Variants in SHCBP1 observed in about 807,000 individuals in gnomAD.
SHCBP1 encodes the protein SHC binding and spindle associated 1, also known as SHC SH2 domain-binding protein 1.
Under a neutral mutation model 75.1 loss-of-function variants are expected in SHCBP1, and 60 were observed. The observed-to-expected ratio is 0.80, with a 90% CI of 0.65 to 0.99. The LOEUF is 0.99. Among genes scored for constraint, SHCBP1 ranks in the 50% least tolerant of loss-of-function variants. The probability of loss-of-function intolerance (pLI) is 0.00; values close to 1 mark genes in which losing one functional copy is unlikely to be tolerated. For missense variants in SHCBP1, 709 were observed against 809.4 expected (o/e 0.88, Z 1.50); for synonymous variants, 290 against 293.2 (o/e 0.99, Z 0.11).
intron 4 of SHCBP1, among the ~76,000 whole-genome samples, chr16:46,608,805 T>C (rs1221734803): frequency 6.6e-6 from 1 of 152,100 alleles, no homozygotes; most frequent in African/African-American, 2.4e-5. Context: ...TTCACCATGT[T>C]GGCCAGGCTG....
In SHCBP1 at chr16:46,616,052, C is replaced by T. The variant is rs774301993; in HGVS notation, c.490G>A (p.Glu164Lys). ...CGATGCTCCTTCAGATCAAGGAGCT[C>T]CTTCATGCACTCCATGGTAAAAGTG... ...VSTFTMECMK[E>K]LLDLKEHRLP... The change falls in exon 4 of 13, where the codon GAG becomes AAG. Residue 164 changes from glutamate (E) to lysine (K), a missense_variant. Physicochemically the swap from Glu to Lys is moderately conservative, Grantham distance 56. Transcript: ENST00000303383. This position sits in a 1 kb window ranked among gnomAD's most constrained non-coding sequence, Gnocchi z 4.4. 5.6e-6 allele frequency: 9 copies of T among 1,614,088 alleles called. No homozygotes were observed. In the Admixed American group the frequency reaches 1.0e-4, roughly 18 times the overall value.
intron 8 of SHCBP1, among the ~76,000 whole-genome samples, chr16:46,600,337 T>C (rs1311635873): frequency 6.6e-6 from 1 of 152,086 alleles, no homozygotes; most frequent in Non-Finnish European, 1.5e-5. Flanking sequence ...CATGGTGGCA[T>C]GCACCAATTA....
rs1187109276 is a variant in SHCBP1 at position 46,618,189 on chromosome 16, C to G, written c.271+16G>C. ...GAAACTCCATCTCAAAAAAAAAAAG[C>G]AAAAAACCTACTCACCTAAAATGTA... On this transcript the variant is annotated intron_variant, in intron 2 of 12. Transcript: ENST00000303383. The G allele has an allele frequency of 3.8e-6, 6 of 1,564,456 alleles. No individual in the cohort carries two copies. The highest frequency in any genetic ancestry group is 5.2e-6 in the Non-Finnish European group (6 of 1,161,010).
chr16:46,585,068 T>A (rs534526108), intron 10 of SHCBP1, among the ~76,000 whole-genome samples: 1 of 152,256 alleles, frequency 6.6e-6, no homozygotes, highest in South Asian at 2.1e-4. Context: ...CAGTTTGGGG[T>A]TATGTGCAAA....
intron 12 of SHCBP1, 98 bp downstream of exon 12, chr16:46,583,417 AC>A: frequency 2.3e-6 from 3 of 1,299,602 alleles, no homozygotes; most frequent in Non-Finnish European, 3.1e-6. Flanking sequence ...TATCCCAACA[AC>A]CTTTTTTAAG....
At chr16:46,592,635 A>C (rs1015736076) in intron 10 of SHCBP1, among the ~76,000 whole-genome samples, 1 of 152,104 alleles carries the variant, frequency 6.6e-6, no homozygotes. Context: ...AGACAAAGAC[A>C]GTGGCACAGA....
At chr16:46,589,572 A>T (rs1462834655) in intron 10 of SHCBP1, among the ~76,000 whole-genome samples, 1 of 152,156 alleles carries the variant, frequency 6.6e-6, no homozygotes, top group Non-Finnish European at 1.5e-5. Context: ...CTCCCATTCA[A>T]AATTGCTTCA....
intron 1 of SHCBP1, among the ~76,000 whole-genome samples, chr16:46,619,063 A>G (rs1191311694): frequency 1.3e-5 from 2 of 152,184 alleles, no homozygotes; most frequent in African/African-American, 4.8e-5. Context: ...TTAATAATCC[A>G]TAAGGTTTAC....
In SHCBP1 at chr16:46,585,159, T is replaced by TA. The variant is rs529675322; in HGVS notation, c.1465-1071dup. On this transcript the variant is annotated intron_variant, in intron 10 of 12. Coordinates refer to ENST00000303383, the MANE Select transcript of SHCBP1 (RefSeq NM_024745.5). Reference sequence around the variant, plus strand: ...AAATATCAAACTGTCAGGAATCACATAAAATTTGTAAAGGAGAACAATTTA... The same window carrying TA: ...AAATATCAAACTGTCAGGAATCACATAAAAATTTGTAAAGGAGAACAATTTA... Among the ~76,000 whole-genome samples the TA allele has an allele frequency of 7.4e-4, 113 of 152,132 alleles. 1 individual carries two copies. Among genetic ancestry groups the TA allele is most frequent in the Non-Finnish European group, 1.1e-3 (78 of 68,024 alleles).
chr16:46,601,468 G>A (rs557916650), intron 8 of SHCBP1, among the ~76,000 whole-genome samples: 1 of 152,234 alleles, frequency 6.6e-6, no homozygotes, highest in Admixed American at 6.5e-5. Context: ...AGACAAAGCT[G>A]TAAGAAATAA....
chr16:46,597,578 G>A (rs985523558), intron 9 of SHCBP1, among the ~76,000 whole-genome samples: 2 of 152,138 alleles, frequency 1.3e-5, no homozygotes, highest in African/African-American at 4.8e-5. Context: ...AATCCTCTGA[G>A]CCTTCAGCAA....
intron 8 of SHCBP1, among the ~76,000 whole-genome samples, chr16:46,601,005 CA>C (rs1217122968): frequency 2.1e-5 from 3 of 139,940 alleles, no homozygotes; most frequent in South Asian, 2.3e-4. Flanking sequence ...GACTCTGTCT[CA>C]AAAAAAAAGC....
chr16:46,598,191 T>C (rs894314077), intron 9 of SHCBP1, among the ~76,000 whole-genome samples: 2 of 152,218 alleles, frequency 1.3e-5, no homozygotes, highest in Non-Finnish European at 2.9e-5. Flanking sequence ...CAAATGTTCT[T>C]AATGACATCT....
intron 1 of SHCBP1, chr16:46,620,352 G>A (rs1965566771): frequency 6.6e-6 from 1 of 152,108 alleles, no homozygotes. Context: ...CTGAAACTTT[G>A]GACCCTTTGC....
At position 46,621,278 on chromosome 16, in the gene SHCBP1, C is replaced by G. The variant is rs745599323; in HGVS notation, c.82G>C (p.Glu28Gln). The change falls in exon 1 of 13, where the codon GAG becomes CAG. Residue 28 changes from glutamate to glutamine, a missense_variant. Coordinates refer to ENST00000303383, the MANE Select transcript of SHCBP1 (RefSeq NM_024745.5). ...TCACCTTTCTCCAGAGACGCCAGCT[C>G]CTGCTCCACCGCCCAGCCCATGCGC... ...PERMGWAVEQ[E>Q]LASLEKGLFQ... The G allele has an allele frequency of 6.2e-7, 1 of 1,610,152 alleles. No homozygotes were observed. The highest frequency in any genetic ancestry group is 8.5e-7 in the Non-Finnish European group (1 of 1,178,854).
chr16:46,618,559 TACTTCAAAACAATAAGC>T (rs1426399381), intron 1 of SHCBP1, among the ~76,000 whole-genome samples, 187 bp from the exon 2 acceptor site: 1 of 147,712 alleles, frequency 6.8e-6, no homozygotes, highest in East Asian at 2.7e-4. Flanking sequence ...ATCCAAATTC[TACTTCAAAACAATAAGC>T]GCTTAAGATC....
chr16:46,621,213 C>G (rs758808193), intron 1 of SHCBP1, 44 bp downstream of exon 1: 1 of 1,566,148 alleles, frequency 6.4e-7, no homozygotes, highest in Non-Finnish European at 8.7e-7. Flanking sequence ...CGCCCCAGGC[C>G]TCCGCTCAGA....
intron 1 of SHCBP1, among the ~76,000 whole-genome samples, chr16:46,620,068 G>A (rs1965561896): frequency 6.6e-6 from 1 of 152,048 alleles, no homozygotes; most frequent in Non-Finnish European, 1.5e-5. Flanking sequence ...AAAATAAAGT[G>A]TGTAACATGA....
chr16:46,595,488 T>C, intron 10 of SHCBP1, 64 bp downstream of exon 10: 9 of 1,245,706 alleles, frequency 7.2e-6, no homozygotes, highest in Non-Finnish European at 1.1e-5. Context: ...CTTGGTCCCA[T>C]ATTTCATATA....
Sources: gnomAD v4.1 joint callset for allele counts (sites outside exome capture counted in the v4.1 genomes callset) on GRCh38, gnomAD v4.1.1 for gene constraint, Gnocchi (gnomAD v3.1) non-coding constraint, MANE v1.5 for transcripts, NCBI Gene and HGNC (gene_info 2026-07-23, HGNC 2026-07-21) for gene names.